ZNF678: variants seen among roughly 807,000 people sequenced by gnomAD.
The protein encoded by ZNF678 is zinc finger protein 678.
Under a neutral mutation model 3.0 loss-of-function variants are expected in ZNF678, and 5 were observed. That is an observed-to-expected ratio of 1.69 (90% CI 0.88 to 3.56). ZNF678 has a LOEUF of 3.56. ZNF678 is among the 30% of genes most tolerant of loss of function. ZNF678 has a pLI of 0.00. For synonymous variants in ZNF678, 218 were observed against 199.6 expected (o/e 1.09, Z -0.78); for missense variants, 593 against 605.0 (o/e 0.98, Z 0.21).
At chr1:227,618,427 G>C (rs1658193782) in intron 1 of ZNF678, among the ~76,000 whole-genome samples, 1 of 152,200 alleles carries the variant, frequency 6.6e-6, no homozygotes, top group Admixed American at 6.5e-5. Flanking sequence ...TTGGCAGGAT[G>C]AGTGTTGGGA....
chr1:227,630,663 A>G (rs1278734225), intron 1 of ZNF678, among the ~76,000 whole-genome samples: 1 of 152,182 alleles, frequency 6.6e-6, no homozygotes, highest in Non-Finnish European at 1.5e-5. Context: ...GACTGGGCCA[A>G]ATTCTCCTCC....
intron 1 of ZNF678, among the ~76,000 whole-genome samples, chr1:227,639,770 T>A (rs1195694975): frequency 1.3e-5 from 2 of 152,148 alleles, no homozygotes; most frequent in African/African-American, 4.8e-5. Flanking sequence ...TATCAGCATG[T>A]GCCTGAGCTA....
At chr1:227,582,317 G>T (rs1032524520) in intron 1 of ZNF678, among the ~76,000 whole-genome samples, 1 of 151,576 alleles carries the variant, frequency 6.6e-6, no homozygotes, top group Admixed American at 6.6e-5. Context: ...TATTATATAT[G>T]TATATATGTG....
chr1:227,654,136 T>G (rs982567796), intron 3 of ZNF678, among the ~76,000 whole-genome samples, 200 bp from the exon 4 acceptor site: 1 of 152,016 alleles, frequency 6.6e-6, no homozygotes, highest in Non-Finnish European at 1.5e-5. Context: ...TGCAAACTCT[T>G]AACTAGATTT....
intron 1 of ZNF678, among the ~76,000 whole-genome samples, chr1:227,602,335 T>A (rs529799845): frequency 8.5e-5 from 13 of 152,304 alleles, no homozygotes; most frequent in Non-Finnish European, 1.9e-4. Flanking sequence ...ACAAGTAAAA[T>A]TTTTGAGAAT....
At chr1:227,622,361 A>G (rs1040637950) in intron 1 of ZNF678, among the ~76,000 whole-genome samples, 4 of 152,180 alleles carry the variant, frequency 2.6e-5, no homozygotes, top group Admixed American at 6.5e-5. Context: ...GGCCAAACCA[A>G]TGCATACTTT....
intron 5 of ZNF678, among the ~76,000 whole-genome samples, chr1:227,674,203 A>G (rs550491560): frequency 1.3e-4 from 20 of 152,208 alleles, no homozygotes; most frequent in African/African-American, 4.8e-4. Context: ...CCTTTAGATT[A>G]TAGGTTAGTT....
chr1:227,569,056 A>G (rs1013786195), intron 1 of ZNF678, among the ~76,000 whole-genome samples: 2 of 152,178 alleles, frequency 1.3e-5, no homozygotes, highest in East Asian at 1.9e-4. Context: ...CTGGAGTGCA[A>G]TCATAGCTAA....
At chr1:227,640,862 G>A (rs1658802303) in intron 1 of ZNF678, among the ~76,000 whole-genome samples, 2 of 152,188 alleles carry the variant, frequency 1.3e-5, no homozygotes, top group African/African-American at 4.8e-5. Context: ...CTGGATGGCT[G>A]GAGGGAGATG....
At chr1:227,623,571 C>G (rs1174554862) in intron 1 of ZNF678, among the ~76,000 whole-genome samples, 1 of 152,090 alleles carries the variant, frequency 6.6e-6, no homozygotes, top group Admixed American at 6.5e-5. Context: ...ACATTAAGCC[C>G]TGAATTTTCT....
At chr1:227,644,736 T>G (rs1228330875) in intron 1 of ZNF678, among the ~76,000 whole-genome samples, 1 of 152,224 alleles carries the variant, frequency 6.6e-6, no homozygotes, top group African/African-American at 2.4e-5. Flanking sequence ...GAAGCAATGC[T>G]TAGCTAAGTG....
intron 1 of ZNF678, among the ~76,000 whole-genome samples, chr1:227,567,430 T>C (rs946734278): frequency 2.6e-5 from 4 of 152,288 alleles, no homozygotes; most frequent in East Asian, 1.9e-4. Flanking sequence ...AAGAAGGTCA[T>C]TGAAGGCCCG....
intron 1 of ZNF678, among the ~76,000 whole-genome samples, chr1:227,593,586 A>G (rs1162778981): frequency 6.6e-6 from 1 of 152,152 alleles, no homozygotes; most frequent in Non-Finnish European, 1.5e-5. Context: ...GAGGGACAGA[A>G]GTACTTTTCT....
chr1:227,575,979 T>G (rs1571859337), intron 1 of ZNF678, among the ~76,000 whole-genome samples: 1 of 152,224 alleles, frequency 6.6e-6, no homozygotes, highest in African/African-American at 2.4e-5. Flanking sequence ...ATTGAAGGCC[T>G]TTTCTGCATC....
intron 1 of ZNF678, among the ~76,000 whole-genome samples, chr1:227,568,202 C>A (rs1485831329): frequency 8.5e-5 from 13 of 152,146 alleles, no homozygotes; most frequent in Admixed American, 8.5e-4. Context: ...ATACTTCCTA[C>A]TGCTAGATGA....
At chr1:227,572,525 G>A (rs1360059870) in intron 1 of ZNF678, among the ~76,000 whole-genome samples, 2 of 152,228 alleles carry the variant, frequency 1.3e-5, no homozygotes, top group African/African-American at 4.8e-5. Context: ...ACAGAAACTA[G>A]CTGGCCACTG....
intron 1 of ZNF678, among the ~76,000 whole-genome samples, chr1:227,604,915 G>T (rs1466867166): frequency 6.6e-6 from 1 of 151,874 alleles, no homozygotes; most frequent in African/African-American, 2.4e-5. Context: ...AAGTGCAGTG[G>T]TGCAATCTCC....
chr1:227,627,883 T>C (rs1571897810), intron 1 of ZNF678, among the ~76,000 whole-genome samples: 1 of 152,220 alleles, frequency 6.6e-6, no homozygotes, highest in East Asian at 1.9e-4. Flanking sequence ...CAAGGGAACC[T>C]CTAGAAGGTC....
At chr1:227,631,507 C>T (rs1161157684) in intron 1 of ZNF678, among the ~76,000 whole-genome samples, 1 of 152,214 alleles carries the variant, frequency 6.6e-6, no homozygotes, top group Admixed American at 6.5e-5. Flanking sequence ...TATGCAAATT[C>T]GTTTCAGAGA....
Sources: allele counts gnomAD v4.1 joint callset (sites outside exome capture counted in the v4.1 genomes callset), GRCh38; gene constraint gnomAD v4.1.1; transcripts MANE v1.5; gene names NCBI Gene and HGNC (gene_info 2026-07-23, HGNC 2026-07-21).